FBN2: variants seen among roughly 807,000 people sequenced by gnomAD.
The protein encoded by FBN2 is fibrillin 2.
A neutral mutation model predicts 355.6 loss-of-function variants in FBN2; 105 were observed. The observed-to-expected ratio is 0.30, with a 90% CI of 0.25 to 0.35. The LOEUF is 0.35. FBN2 is among the 10% of genes least tolerant of loss of function. FBN2 has a pLI of 1.00. For synonymous variants in FBN2, 1,350 were observed against 1,301.2 expected (o/e 1.04, Z -0.81); for missense variants, 3,280 against 3,758.7 (o/e 0.87, Z 3.33).
At chr5:128,298,242 T>C (rs1253882198) in intron 48 of FBN2, among the ~76,000 whole-genome samples, 4 of 151,450 alleles carry the variant, frequency 2.6e-5, no homozygotes, top group South Asian at 2.1e-4. Flanking sequence ...GAGGGTAACC[T>C]GACCTTTCTC....
chr5:128,295,274 C>A (rs1014258601), intron 48 of FBN2, among the ~76,000 whole-genome samples: 1 of 151,878 alleles, frequency 6.6e-6, no homozygotes, highest in Non-Finnish European at 1.5e-5. Context: ...TAGTGTGATG[C>A]CTCCAGCTTT....
chr5:128,284,952 A>G (rs1336311020), intron 55 of FBN2, among the ~76,000 whole-genome samples: 1 of 152,204 alleles, frequency 6.6e-6, no homozygotes, highest in African/African-American at 2.4e-5. Context: ...AAACTTTAAA[A>G]AATTGGGACA....
chr5:128,532,980 C>T (rs867789478), intron 2 of FBN2, among the ~76,000 whole-genome samples: 10 of 152,288 alleles, frequency 6.6e-5, no homozygotes, highest in Middle Eastern at 6.8e-3. Flanking sequence ...GTCAAGGCTG[C>T]AGTGAGCTGT....
At chr5:128,376,653 G>T in intron 14 of FBN2, 78 bp downstream of exon 14, 1 of 1,525,450 alleles carries the variant, frequency 6.6e-7, no homozygotes. Flanking sequence ...GGAAGCTGAA[G>T]TAATTCTTCC....
rs1756848300 is a variant in FBN2, at chr5:128,536,414, G to T, written c.325C>A (p.Gln109Lys). 2 of 1,613,922 alleles carry T rather than the reference G, an allele frequency of 1.2e-6. No homozygotes were observed. Among genetic ancestry groups the T allele is most frequent in the Non-Finnish European group, 1.7e-6 (2 of 1,179,872 alleles). Residue 109 changes from glutamine to lysine, a missense_variant, in exon 2 of 65, where the codon CAG (glutamine) becomes AAG (lysine). By Grantham distance (53) the Gln-to-Lys change is moderately conservative. Coordinates refer to ENST00000262464, the MANE Select transcript of FBN2 (RefSeq NM_001999.4). ...PGWKTLPGGN[Q>K]CIVPICRNSC... is the part of the protein sequence containing the mutation. ...GCCAAGCACTCACGGACAATGCACT[G>T]GTTTCCTCCAGGGAGCGTCTTCCAT...
chr5:128,273,972 G>GTCT lies in FBN2; in HGVS notation c.7712-5_7712-4insAGA. On this transcript the variant is annotated splice_region_variant and splice_polypyrimidine_tract_variant and intron_variant, in intron 60 of 64. Transcript: ENST00000262464. ...TGAGACCCACATTCGTTGTTGTCTG[G>GTCT]CAAAGCATCAAGAAGCAGAGCGTCA... The GTCT allele has an allele frequency of 6.2e-7, 1 of 1,613,782 alleles. No homozygotes were observed.
intron 6 of FBN2, among the ~76,000 whole-genome samples, chr5:128,452,914 G>A (rs1754291835): frequency 1.3e-5 from 2 of 151,894 alleles, no homozygotes. Context: ...AGTCCCCAGT[G>A]CTTATTATTT....
intron 62 of FBN2, among the ~76,000 whole-genome samples, chr5:128,264,285 A>G (rs1176576384): frequency 6.6e-6 from 1 of 152,094 alleles, no homozygotes; most frequent in African/African-American, 2.4e-5. Context: ...AAATTTATAA[A>G]CCCTAAATGA....
At chr5:128,455,191 G>A (rs1754348758) in intron 6 of FBN2, among the ~76,000 whole-genome samples, 1 of 152,024 alleles carries the variant, frequency 6.6e-6, no homozygotes, top group Non-Finnish European at 1.5e-5. Flanking sequence ...ATATGCACAT[G>A]GCAATTTGTT....
At chr5:128,288,704 G>T in intron 52 of FBN2, 147 bp from the exon 53 acceptor site, 5 of 891,808 alleles carry the variant, frequency 5.6e-6, no homozygotes, top group Non-Finnish European at 9.1e-6. Context: ...TGGCTGGCTG[G>T]CAGCTATGTA....
intron 5 of FBN2, among the ~76,000 whole-genome samples, chr5:128,490,122 T>C (rs1434372538): frequency 6.6e-6 from 1 of 152,188 alleles, no homozygotes; most frequent in Non-Finnish European, 1.5e-5. Context: ...ATCAGCACTT[T>C]CCACACATTA....
chr5:128,298,665 C>T (rs1202324818), intron 48 of FBN2, among the ~76,000 whole-genome samples: 4 of 152,180 alleles, frequency 2.6e-5, no homozygotes, highest in Admixed American at 6.5e-5. Context: ...ACGTAGTTCT[C>T]GAGCCTTGGT....
At chr5:128,301,612 G>A (rs1749722648) in intron 46 of FBN2, 102 bp from the exon 47 acceptor site, 8 of 1,134,706 alleles carry the variant, frequency 7.1e-6, no homozygotes, top group Middle Eastern at 1.9e-4. Flanking sequence ...GCATTTATAA[G>A]AAATCCCATA....
intron 48 of FBN2, among the ~76,000 whole-genome samples, chr5:128,297,087 C>T (rs1350754667): frequency 2.0e-5 from 3 of 152,062 alleles, no homozygotes; most frequent in South Asian, 2.1e-4. Context: ...GCCTTCATTT[C>T]GTTATGTACC....
intron 8 of FBN2, 47 bp from the exon 9 acceptor site, chr5:128,395,321 G>A (rs1433393380): frequency 6.2e-7 from 1 of 1,604,254 alleles, no homozygotes; most frequent in South Asian, 1.1e-5. Flanking sequence ...ATTACCTCAG[G>A]TTCTTACAAC....
intron 42 of FBN2, among the ~76,000 whole-genome samples, chr5:128,306,770 C>T (rs1749896532): frequency 6.6e-6 from 1 of 152,036 alleles, no homozygotes; most frequent in South Asian, 2.1e-4. Flanking sequence ...TGCAAAAATA[C>T]ACCAAAAATT....
chr5:128,537,947 C>A lies in FBN2; in HGVS notation c.-344G>T, dbSNP rs564044015. On this transcript the variant is annotated 5_prime_UTR_variant, in exon 1 of 65. Coordinates refer to ENST00000262464, the MANE Select transcript of FBN2 (RefSeq NM_001999.4). ...GGGGAGGAAATTACAAAAGCCCTGG[C>A]GTAAAATTTCAAAAAATGTGAACCT... 8.4e-6 allele frequency: 3 copies of A among 355,646 alleles called. No individual in the cohort carries two copies. Among genetic ancestry groups the A allele is most frequent in the Non-Finnish European group, 1.5e-5 (3 of 197,362 alleles). 22.0% of individuals were successfully genotyped at this position (355,646 alleles called of 1,614,324 possible). A position where few individuals can be genotyped will look rare whatever the true frequency, so the allele number is the denominator to read the frequency against.
intron 7 of FBN2, among the ~76,000 whole-genome samples, chr5:128,422,474 G>A (rs971947910): frequency 6.6e-6 from 1 of 152,134 alleles, no homozygotes; most frequent in Non-Finnish European, 1.5e-5. Context: ...TTGAAAGAGT[G>A]GTTTTATGGT....
chr5:128,294,168 C>T (rs543625979), intron 48 of FBN2, among the ~76,000 whole-genome samples: 6,470 of 152,132 alleles, frequency 0.043, 437 homozygotes, highest in African/African-American at 0.14. Context: ...GACATGAACT[C>T]ATCATTTTTT....
Sources: gnomAD v4.1 joint callset for allele counts (sites outside exome capture counted in the v4.1 genomes callset) on GRCh38, gnomAD v4.1.1 for gene constraint, MANE v1.5 for transcripts, NCBI Gene and HGNC (gene_info 2026-07-23, HGNC 2026-07-21) for gene names.